Variants in YARS1 observed in about 807,000 individuals in gnomAD.
YARS1 encodes tyrosine--tRNA ligase, cytoplasmic.
Under a neutral mutation model 62.2 loss-of-function variants are expected in YARS1, and 36 were observed. That is an observed-to-expected ratio of 0.58 (90% CI 0.44 to 0.76). YARS1 has a LOEUF of 0.76. Ranked by LOEUF, YARS1 falls within the 30% of genes least tolerant of loss-of-function variation. The pLI is 0.00. For missense variants in YARS1, 524 were observed against 639.8 expected (o/e 0.82, Z 1.95); for synonymous variants, 234 against 244.9 (o/e 0.96, Z 0.42).
rs1652834645 is a variant in YARS1 at position 32,775,759 on chromosome 1, G to A, written c.*222C>T. The A allele has an allele frequency of 6.7e-6, 4 of 593,600 alleles. No individual in the cohort carries two copies. The highest frequency in any genetic ancestry group is 1.2e-5 in the Non-Finnish European group (4 of 331,566). 36.8% of individuals were successfully genotyped at this position (593,600 alleles called of 1,614,324 possible). On this transcript the variant is annotated 3_prime_UTR_variant, in exon 13 of 13. Coordinates refer to ENST00000373477, the MANE Select transcript of YARS1 (RefSeq NM_003680.4). Reference sequence around the variant, plus strand: ...AAGGTAGGGCTGGACTCCCTGCTGTGGCCCAGCCCTTGTTAGGGGTTGGTC... The same window carrying A: ...AAGGTAGGGCTGGACTCCCTGCTGTAGCCCAGCCCTTGTTAGGGGTTGGTC...
intron 4 of YARS1, among the ~76,000 whole-genome samples, chr1:32,803,868 C>T: frequency 6.6e-6 from 1 of 151,988 alleles, no homozygotes. Context: ...TCTGGTTTTC[C>T]TAGGCAGAGG....
intron 1 of YARS1, 66 bp from the exon 2 acceptor site, chr1:32,811,123 A>G: frequency 6.2e-7 from 1 of 1,608,050 alleles, no homozygotes; most frequent in East Asian, 2.2e-5. Context: ...TTACCATGTG[A>G]CAAGGAAAAC....
intron 8 of YARS1, 113 bp from the exon 9 acceptor site, chr1:32,782,652 G>A (rs1653098918): frequency 7.0e-7 from 1 of 1,437,310 alleles, no homozygotes; most frequent in Admixed American, 1.8e-5. Context: ...TTTGATCCTT[G>A]TGATAATCTT....
intron 1 of YARS1, among the ~76,000 whole-genome samples, chr1:32,814,107 A>G (rs781739816): frequency 1.1e-4 from 17 of 152,174 alleles, no homozygotes; most frequent in Non-Finnish European, 2.4e-4. Context: ...TGTTCTTGTT[A>G]TCAACCCAAT....
At chr1:32,799,395 A>C (rs957506804) in intron 4 of YARS1, among the ~76,000 whole-genome samples, 4 of 152,232 alleles carry the variant, frequency 2.6e-5, no homozygotes, top group Non-Finnish European at 5.9e-5. Flanking sequence ...GTAACAGGGC[A>C]GGGCAGAGAC....
rs781752618 is a variant in YARS1 at position 32,806,526 on chromosome 1, C to A, written c.466G>T (p.Val156Leu). Reference protein sequence around the residue: ...KKAGAEVVKQVEHPLLSGLLY... With the variant: ...KKAGAEVVKQLEHPLLSGLLY... ...AGGCCACTCAGCAAAGGGTGCTCCA[C>A]CTGCTTTACCACCTCAGCTCCAGCC... Residue 156 changes from valine (V) to leucine (L), a missense_variant, in exon 4 of 13, where the codon GTG becomes TTG. Physicochemically the swap from Val to Leu is conservative, Grantham distance 32 (BLOSUM62 1). Coordinates refer to ENST00000373477, the MANE Select transcript of YARS1 (RefSeq NM_003680.4). The A allele has an allele frequency of 1.2e-6, 2 of 1,614,208 alleles. No individual in the cohort carries two copies. Among genetic ancestry groups the A allele is most frequent in the Non-Finnish European group, 1.7e-6 (2 of 1,180,044 alleles).
At position 32,797,804 on chromosome 1, in the gene YARS1, C is replaced by A; in HGVS notation, c.550G>T (p.Gly184Ter). 1.2e-6 allele frequency: 2 copies of A among 1,614,206 alleles called. No individual in the cohort carries two copies. Among genetic ancestry groups the A allele is most frequent in the Non-Finnish European group, 1.7e-6 (2 of 1,180,044 alleles). The change falls in exon 5 of 13, where the codon GGA (glycine) becomes TGA (stop). Residue 184 changes from glycine to a stop codon, truncating the protein, a stop_gained. Coordinates refer to ENST00000373477, the MANE Select transcript of YARS1 (RefSeq NM_003680.4). LOFTEE classifies it high-confidence loss of function. ...AAAATCTTTCTCTGATCAATGCCTC[C>A]AAATTGGGCATCTACTTTTAAATAC... ...EEYLKVDAQF[G>*]GIDQRKIFTF...
intron 5 of YARS1, among the ~76,000 whole-genome samples, chr1:32,796,757 A>G (rs953012972): frequency 1.3e-5 from 2 of 151,220 alleles, no homozygotes; most frequent in African/African-American, 4.9e-5. Flanking sequence ...TGAGGTCAGG[A>G]GTTCAAAACC....
intron 4 of YARS1, among the ~76,000 whole-genome samples, chr1:32,800,762 A>C (rs1396839484): frequency 6.6e-6 from 1 of 152,008 alleles, no homozygotes; most frequent in Non-Finnish European, 1.5e-5. Context: ...TTTAGTAGAG[A>C]TGGGGTTTCA....
intron 8 of YARS1, among the ~76,000 whole-genome samples, chr1:32,784,882 C>T (rs1033079349): frequency 6.6e-6 from 1 of 152,168 alleles, no homozygotes; most frequent in African/African-American, 2.4e-5. Context: ...TAGTGCCTAA[C>T]ACATGGGCAC....
At chr1:32,796,601 G>T (rs1653591645) in intron 5 of YARS1, among the ~76,000 whole-genome samples, 1 of 151,710 alleles carries the variant, frequency 6.6e-6, no homozygotes, top group South Asian at 2.1e-4. Flanking sequence ...GGGCTCAAAT[G>T]ATCCTCCTGC....
At chr1:32,792,736 T>A (rs1032266569) in intron 5 of YARS1, among the ~76,000 whole-genome samples, 1 of 151,606 alleles carries the variant, frequency 6.6e-6, no homozygotes. Flanking sequence ...AAAAATTAGC[T>A]GGGCGTGGTG....
At position 32,801,824 on chromosome 1, in the gene YARS1, C is replaced by T. The variant is rs534214184; in HGVS notation, c.511-3981G>A. 2.0e-5 allele frequency among the ~76,000 whole-genome samples: 3 copies of T among 152,264 alleles called. No individual in the cohort carries two copies. In the South Asian group the frequency reaches 6.2e-4, roughly 32 times the overall value. ...ACCAGTAGTTTCCATTTCAAGAAAC[C>T]ACTTTCTTTGCTCATCCATAAGAAG... is the stretch of plus-strand genomic sequence containing the variant. On this transcript the variant is annotated intron_variant, in intron 4 of 12. Transcript: ENST00000373477.
In YARS1 at chr1:32,810,719, T is replaced by C. The variant is rs1485378411; in HGVS notation, c.252A>G (p.Lys84=). 1 of 1,614,184 alleles carries C rather than the reference T, an allele frequency of 6.2e-7. No homozygotes were observed. Among genetic ancestry groups the C allele is most frequent in the East Asian group, 2.2e-5 (1 of 44,882 alleles). Residue 84 remains lysine (K), a synonymous_variant, in exon 3 of 13, where the codon AAA becomes AAG. Coordinates refer to ENST00000373477, the MANE Select transcript of YARS1 (RefSeq NM_003680.4). ...GGAGTTCTAGAAGTTCCCATGGGGCTTTCATGTTATCCAGGTATGCGTGGA... is the reference window on the plus strand; with the variant it reads ...GGAGTTCTAGAAGTTCCCATGGGGCCTTCATGTTATCCAGGTATGCGTGGA... ...ADLHAYLDNM[K]APWELLELRV...
At chr1:32,805,775 G>C (rs1303725288) in intron 4 of YARS1, among the ~76,000 whole-genome samples, 1 of 151,968 alleles carries the variant, frequency 6.6e-6, no homozygotes, top group Non-Finnish European at 1.5e-5. Context: ...GCCTGGCCAA[G>C]ATGGTGAAAC....
chr1:32,802,782 G>T (rs1367629397), intron 4 of YARS1, among the ~76,000 whole-genome samples: 1 of 152,074 alleles, frequency 6.6e-6, no homozygotes, highest in Non-Finnish European at 1.5e-5. Flanking sequence ...AGGCTTTGTT[G>T]TTCCATTTAT....
intron 7 of YARS1, 130 bp from the exon 8 acceptor site, chr1:32,786,577 ATTATTC>A (rs1191195244): frequency 1.1e-6 from 1 of 937,464 alleles, no homozygotes; most frequent in African/African-American, 1.6e-5. Flanking sequence ...ATTGTATGGT[ATTATTC>A]TTAAATTGGA....
intron 8 of YARS1, chr1:32,782,803 C>T (rs1347722797): frequency 8.4e-6 from 4 of 478,028 alleles, no homozygotes; most frequent in African/African-American, 7.8e-5. Context: ...TCTAGTCCCT[C>T]CATTTATGCT....
At chr1:32,804,257 T>A (rs984645114) in intron 4 of YARS1, among the ~76,000 whole-genome samples, 17 of 152,346 alleles carry the variant, frequency 1.1e-4, no homozygotes, top group African/African-American at 3.8e-4. Context: ...TGTTGGGTAC[T>A]CCTCCCAGAC....
Sources: gnomAD v4.1 joint callset for allele counts (sites outside exome capture counted in the v4.1 genomes callset) on GRCh38, gnomAD v4.1.1 for gene constraint, MANE v1.5 for transcripts, NCBI Gene and HGNC (gene_info 2026-07-23, HGNC 2026-07-21) for gene names.